PCSK6: variants seen among roughly 807,000 people sequenced by gnomAD.
PCSK6 encodes paired basic amino acid cleaving enzyme 4.
A neutral mutation model predicts 123.3 loss-of-function variants in PCSK6; 85 were observed. That is an observed-to-expected ratio of 0.69 (90% CI 0.58 to 0.83). The LOEUF is 0.83. PCSK6 is among the 40% of genes least tolerant of loss of function. The pLI is 0.00. For missense variants in PCSK6, 1,191 were observed against 1,282.3 expected, an observed-to-expected ratio of 0.93 and a Z score of 1.09; for synonymous variants, 508 against 516.0, an observed-to-expected ratio of 0.98 and a Z score of 0.21.
chr15:101,375,713 G>T (rs1348710764), intron 11 of PCSK6, among the ~76,000 whole-genome samples: 4 of 152,122 alleles, frequency 2.6e-5, no homozygotes, highest in Non-Finnish European at 5.9e-5. Flanking sequence ...AACACCGCCT[G>T]TTGGTGCAGC....
intron 6 of PCSK6, among the ~76,000 whole-genome samples, chr15:101,410,863 G>A (rs2042925746): frequency 1.3e-5 from 2 of 152,096 alleles, no homozygotes; most frequent in Admixed American, 1.3e-4. Flanking sequence ...AAACGGCCAT[G>A]ATCATGTCCA....
rs372895816 is a variant in PCSK6 at position 101,307,340 on chromosome 15, C to A, written c.2700-15G>T. On this transcript the variant is annotated splice_polypyrimidine_tract_variant and intron_variant, in intron 20 of 21. Coordinates refer to ENST00000611716, the MANE Select transcript of PCSK6 (RefSeq NM_002570.5). ...TCTCGTCACACCTGTGGGAAGATAC[C>A]GTTCCTGCTGAAGTCTGGGGAAGAG... is the stretch of plus-strand genomic sequence containing the variant. 9 of 1,595,388 alleles carry A rather than the reference C, an allele frequency of 5.6e-6. No homozygotes were observed. The highest frequency in any genetic ancestry group is 1.7e-5 in the Admixed American group (1 of 58,794).
At chr15:101,361,543 C>T (rs575200936) in intron 13 of PCSK6, among the ~76,000 whole-genome samples, 9 of 152,202 alleles carry the variant, frequency 5.9e-5, no homozygotes, top group Non-Finnish European at 1.2e-4. Flanking sequence ...GGGAGCAGCA[C>T]GTGCCAAGGC....
chr15:101,384,556 T>TCTG, intron 9 of PCSK6, 131 bp from the exon 10 acceptor site: 1 of 580,740 alleles, frequency 1.7e-6, no homozygotes, highest in Non-Finnish European at 2.9e-6. Flanking sequence ...AAGGACTGCA[T>TCTG]TCCTTGGCAA....
intron 1 of PCSK6, among the ~76,000 whole-genome samples, chr15:101,488,374 C>T (rs987107982): frequency 2.0e-5 from 3 of 152,156 alleles, no homozygotes; most frequent in Non-Finnish European, 4.4e-5. Context: ...CCCCTCAGCC[C>T]GGTAGCTGGT....
Position 101,427,898 on chromosome 15 carries a change from T to A in PCSK6, c.817A>T (p.Ile273Leu). The part of the protein sequence containing the change: ...CIVGIAYNAK[I>L]GGIRMLDGDV... The stretch of plus-strand genomic sequence containing the variant: ...CTGCCACGCCCGGCCTTACCTCCTA[T>A]TTTGGCATTGTACGCTATGCCCACG... Residue 273 changes from isoleucine to leucine, a missense_variant, in exon 6 of 22, where the codon ATA (isoleucine) becomes TTA (leucine). By Grantham distance (5) the Ile-to-Leu change is conservative. Coordinates refer to ENST00000611716, the MANE Select transcript of PCSK6 (RefSeq NM_002570.5). 6.4e-7 allele frequency: 1 copy of A among 1,572,374 alleles called. No individual in the cohort carries two copies. Among genetic ancestry groups the A allele is most frequent in the Non-Finnish European group, 8.6e-7 (1 of 1,157,896 alleles).
At chr15:101,453,020 A>G (rs1320298779) in intron 1 of PCSK6, among the ~76,000 whole-genome samples, 1 of 152,222 alleles carries the variant, frequency 6.6e-6, no homozygotes, top group African/African-American at 2.4e-5. Flanking sequence ...TTTTAATTGT[A>G]ATAAAACAAG....
intron 1 of PCSK6, among the ~76,000 whole-genome samples, chr15:101,457,398 G>A (rs970942312): frequency 2.6e-5 from 4 of 152,160 alleles, no homozygotes; most frequent in South Asian, 2.1e-4. Flanking sequence ...TAAATGAGGC[G>A]TGATGCATAT....
Position 101,322,611 on chromosome 15 carries a change from G to A in PCSK6, c.2378-4C>T, listed in dbSNP as rs1313356692. 1.9e-6 allele frequency: 3 copies of A among 1,582,716 alleles called. No individual in the cohort carries two copies. Among genetic ancestry groups the A allele is most frequent in the East Asian group, 4.5e-5 (2 of 44,720 alleles). Reference sequence around the variant, plus strand: ...CATTTAAGGCAATTTTTCTGACCTGGAGAAAAATAGCGAGATAAGAAAAGA... The same window carrying A: ...CATTTAAGGCAATTTTTCTGACCTGAAGAAAAATAGCGAGATAAGAAAAGA... On this transcript the variant is annotated splice_polypyrimidine_tract_variant and splice_region_variant and intron_variant, in intron 17 of 21. Coordinates refer to ENST00000611716, the MANE Select transcript of PCSK6 (RefSeq NM_002570.5).
chr15:101,323,223 G>A (rs936394442), intron 17 of PCSK6, among the ~76,000 whole-genome samples: 3 of 152,190 alleles, frequency 2.0e-5, no homozygotes, highest in African/African-American at 7.2e-5. Flanking sequence ...ACACCTGCAC[G>A]TGTCCCCCTC....
chr15:101,377,974 C>T (rs1301148815), intron 11 of PCSK6, among the ~76,000 whole-genome samples: 4 of 152,130 alleles, frequency 2.6e-5, no homozygotes, highest in Non-Finnish European at 5.9e-5. Flanking sequence ...TGTGAGTGTC[C>T]CCAGCACTGA....
At chr15:101,444,770 T>C (rs2056843015) in intron 1 of PCSK6, among the ~76,000 whole-genome samples, 1 of 152,206 alleles carries the variant, frequency 6.6e-6, no homozygotes, top group Non-Finnish European at 1.5e-5. Flanking sequence ...CACAACTCCT[T>C]GGCTGCCTCC....
In PCSK6 at chr15:101,363,178, C is replaced by T. The variant is rs572014210; in HGVS notation, c.1858+3018G>A. Among the ~76,000 whole-genome samples the T allele has an allele frequency of 2.8e-3, 419 of 152,300 alleles. 3 individuals are homozygous for T. Among genetic ancestry groups the T allele is most frequent in the African/African-American group, 9.7e-3 (403 of 41,540 alleles). ...GGGAAAGAGAAGAATGCGTGAGATG[C>T]ATGAGAAAGGCTGCCTGCAGAGGCA... On this transcript the variant is annotated intron_variant, in intron 13 of 21. Coordinates refer to ENST00000611716, the MANE Select transcript of PCSK6 (RefSeq NM_002570.5).
intron 18 of PCSK6, 60 bp downstream of exon 18, chr15:101,322,460 A>G (rs1005204781): frequency 5.8e-6 from 7 of 1,210,084 alleles, no homozygotes; most frequent in South Asian, 2.5e-5. Context: ...TGGTAAATCC[A>G]TAACACACTC....
chr15:101,487,714 G>A (rs891213408), intron 1 of PCSK6, among the ~76,000 whole-genome samples: 8 of 152,140 alleles, frequency 5.3e-5, no homozygotes, highest in African/African-American at 1.4e-4. Context: ...GCACAGCAGC[G>A]AAGTGTGGCA....
Position 101,366,252 on chromosome 15 carries a change from T to G in PCSK6, c.1802A>C (p.Gln601Pro), listed in dbSNP as rs1194954650. 2 of 1,613,742 alleles carry G rather than the reference T, an allele frequency of 1.2e-6. No individual in the cohort carries two copies. The highest frequency in any genetic ancestry group is 3.3e-5 in the Admixed American group (2 of 60,000). The change falls in exon 13 of 22, where the codon CAG becomes CCG. Residue 601 changes from glutamine (Q) to proline (P), a missense_variant. Gln to Pro is a moderately conservative substitution (Grantham distance 76, BLOSUM62 -1). Coordinates refer to ENST00000611716, the MANE Select transcript of PCSK6 (RefSeq NM_002570.5). ...CAGATCTTGGATTTCCAAGGTCCAC[T>G]GCCCTTCAGCCTTTTCTCCCCAGCA... ...VHCWGEKAEG[Q>P]WTLEIQDLPS...
intron 13 of PCSK6, chr15:101,337,011 C>CT (rs1217392982): frequency 0.018 from 2,639 of 144,880 alleles, 78 homozygotes; most frequent in African/African-American, 0.062. Flanking sequence ...CTCTCTCTCT[C>CT]TTTTTTTTTT....
chr15:101,480,165 T>C (rs2057837709), intron 1 of PCSK6, among the ~76,000 whole-genome samples: 1 of 152,218 alleles, frequency 6.6e-6, no homozygotes, highest in South Asian at 2.1e-4. Flanking sequence ...ATTTGGGCTG[T>C]TTCTGCCCAC....
At chr15:101,454,311 A>C (rs566975521) in intron 1 of PCSK6, among the ~76,000 whole-genome samples, 1 of 152,322 alleles carries the variant, frequency 6.6e-6, no homozygotes, top group Non-Finnish European at 1.5e-5. Context: ...TTCTGAACAA[A>C]TATCTGCATA....
Sources: allele counts gnomAD v4.1 joint callset (sites outside exome capture counted in the v4.1 genomes callset), GRCh38; gene constraint gnomAD v4.1.1; transcripts MANE v1.5; gene names NCBI Gene and HGNC (gene_info 2026-07-23, HGNC 2026-07-21).